CUL5: variants seen among roughly 807,000 people sequenced by gnomAD.
CUL5 encodes cullin-5.
Under a neutral mutation model 108.8 loss-of-function variants are expected in CUL5, and 26 were observed. The observed-to-expected ratio is 0.24, with a 90% CI of 0.18 to 0.33. The LOEUF (loss-of-function observed/expected upper bound fraction) is 0.33. Ranked by LOEUF, CUL5 falls within the 10% of genes least tolerant of loss-of-function variation. The pLI is 1.00. For synonymous variants in CUL5, 334 were observed against 298.0 expected (o/e 1.12, Z -1.25); for missense variants, 524 against 909.2 (o/e 0.58, Z 5.45).
At chr11:108,047,271 C>A (rs1248519129) in intron 3 of CUL5, among the ~76,000 whole-genome samples, 4 of 152,082 alleles carry the variant, frequency 2.6e-5, no homozygotes, top group Admixed American at 6.6e-5. Context: ...GAGCCGTGAT[C>A]ATGCCATTGC....
At chr11:108,087,159 A>C (rs939026229) in intron 11 of CUL5, among the ~76,000 whole-genome samples, 5 of 152,186 alleles carry the variant, frequency 3.3e-5, no homozygotes, top group African/African-American at 1.2e-4. Context: ...ATTTATGTGA[A>C]TAAGACTTCT....
intron 7 of CUL5, among the ~76,000 whole-genome samples, chr11:108,069,819 A>C (rs72998495): frequency 3.9e-5 from 6 of 152,204 alleles, no homozygotes; most frequent in Non-Finnish European, 8.8e-5. Context: ...GAGTTAATCA[A>C]AGTTTGGTTT....
At chr11:108,019,613 C>T (rs73555372) in intron 1 of CUL5, among the ~76,000 whole-genome samples, 20,094 of 152,076 alleles carry the variant, frequency 0.13, 1,431 homozygotes, top group African/African-American at 0.18. Flanking sequence ...ACACATCACT[C>T]GTGTCTGTGG....
chr11:108,035,889 T>G (rs1311178898), intron 2 of CUL5, among the ~76,000 whole-genome samples: 1 of 152,174 alleles, frequency 6.6e-6, no homozygotes, highest in Non-Finnish European at 1.5e-5. Context: ...TCCAGGTAAT[T>G]GAGATCTGTG....
intron 1 of CUL5, among the ~76,000 whole-genome samples, chr11:108,020,543 TTTTTTG>T (rs1294179587): frequency 6.6e-6 from 1 of 151,212 alleles, no homozygotes; most frequent in Non-Finnish European, 1.5e-5. Context: ...TGATTTTTTT[TTTTTTG>T]TTTTTTGTTT....
intron 2 of CUL5, among the ~76,000 whole-genome samples, chr11:108,034,620 C>T (rs1183381853): frequency 1.3e-5 from 2 of 152,108 alleles, no homozygotes; most frequent in Admixed American, 6.6e-5. Context: ...AAAGGGAACC[C>T]TGAGAGATTT....
Position 108,013,920 on chromosome 11 carries a change from A to G in CUL5, c.24+4548A>G, listed in dbSNP as rs762632202. On this transcript the variant is annotated intron_variant, in intron 1 of 18. Coordinates refer to ENST00000393094, the MANE Select transcript of CUL5 (RefSeq NM_003478.6). ...ACAACAACAATAAAAAGTGCCTGTA[A>G]AAGTTATTCATTATTAAAATAACTT... Among the ~76,000 whole-genome samples the G allele has an allele frequency of 3.3e-4, 50 of 152,186 alleles. 1 individual carries two copies. Among genetic ancestry groups the G allele is most frequent in the Admixed American group, 1.2e-3 (18 of 15,276 alleles).
At chr11:108,082,451 A>G (rs554254912) in intron 11 of CUL5, among the ~76,000 whole-genome samples, 1 of 151,658 alleles carries the variant, frequency 6.6e-6, no homozygotes, top group African/African-American at 2.4e-5. Context: ...TGGCTATATT[A>G]TTTTTTGTAG....
At chr11:108,097,606 T>C in intron 16 of CUL5, 30 bp from the exon 17 acceptor site, 3 of 1,233,544 alleles carry the variant, frequency 2.4e-6, no homozygotes, top group Non-Finnish European at 3.6e-6. Context: ...TGTTTATAGA[T>C]GCTAATTGTT....
chr11:108,065,884 C>T (rs1233124617), intron 7 of CUL5, among the ~76,000 whole-genome samples: 2 of 152,168 alleles, frequency 1.3e-5, no homozygotes, highest in Non-Finnish European at 2.9e-5. Context: ...TCTTGCTCCA[C>T]TCCTCTATTT....
Position 108,073,463 on chromosome 11 carries a change from A to G in CUL5, c.1079A>G (p.Gln360Arg), listed in dbSNP as rs765831171. The stretch of plus-strand genomic sequence containing the variant: ...AGTAAACTCGTCAAAGAAGCTTTTC[A>G]AGATGATCCACGATTTCTTACTGCA... ...RFSKLVKEAF[Q>R]DDPRFLTARD... Residue 360 changes from glutamine to arginine, a missense_variant, in exon 10 of 19, where the codon CAA becomes CGA. Gln to Arg is a conservative substitution (Grantham distance 43). Coordinates refer to ENST00000393094, the MANE Select transcript of CUL5 (RefSeq NM_003478.6). 2.5e-6 allele frequency: 4 copies of G among 1,589,920 alleles called. No individual in the cohort carries two copies. The African/African-American group carries it at 4.0e-5, about 16-fold the overall frequency.
intron 1 of CUL5, among the ~76,000 whole-genome samples, chr11:108,027,650 C>T (rs2135071110): frequency 6.6e-6 from 1 of 152,172 alleles, no homozygotes; most frequent in East Asian, 1.9e-4. Context: ...CTCAAGTGAC[C>T]CGCCCGCCTC....
chr11:108,020,043 C>T (rs1436425230), intron 1 of CUL5, among the ~76,000 whole-genome samples: 1 of 152,128 alleles, frequency 6.6e-6, no homozygotes, highest in Non-Finnish European at 1.5e-5. Flanking sequence ...GCCCCCACCC[C>T]CACTGGCATT....
chr11:108,018,069 C>T (rs912629491), intron 1 of CUL5, among the ~76,000 whole-genome samples: 1 of 152,120 alleles, frequency 6.6e-6, no homozygotes, highest in Non-Finnish European at 1.5e-5. Flanking sequence ...CAGAGTGTCT[C>T]TTGTACCATC....
chr11:108,105,785 T>C lies in CUL5; in HGVS notation c.*1401T>C, dbSNP rs999826496. 3.3e-5 allele frequency: 5 copies of C among 152,160 alleles called. No homozygotes were observed. Among genetic ancestry groups the C allele is most frequent in the African/African-American group, 9.6e-5 (4 of 41,458 alleles). 9.4% of individuals were successfully genotyped at this position (152,160 alleles called of 1,614,324 possible). ...ATTTTCTTGCAAATTATTTTATATC[T>C]TATTTGATGTTAAGTAATATTTTTA... is the stretch of plus-strand genomic sequence containing the variant. On this transcript the variant is annotated 3_prime_UTR_variant, in exon 19 of 19. Coordinates refer to ENST00000393094, the MANE Select transcript of CUL5 (RefSeq NM_003478.6).
chr11:108,075,627 CT>C, intron 10 of CUL5, among the ~76,000 whole-genome samples: 1 of 152,192 alleles, frequency 6.6e-6, no homozygotes, highest in Non-Finnish European at 1.5e-5. Flanking sequence ...CCTTGAACTC[CT>C]GGGCTCAAGC....
chr11:108,018,325 G>T (rs1025764741), intron 1 of CUL5, among the ~76,000 whole-genome samples: 1 of 152,136 alleles, frequency 6.6e-6, no homozygotes, highest in African/African-American at 2.4e-5. Flanking sequence ...TCAGCCCTCA[G>T]TATTCATGAG....
chr11:108,106,662 A>ATT lies in CUL5; in HGVS notation c.*2280_*2281dup, dbSNP rs979567411. Reference sequence around the variant, plus strand: ...TTTTCTTTAAGTAATTTAACAACAGATTTGCTAATTTAAAAAAAAATGAAA... The same window carrying ATT: ...TTTTCTTTAAGTAATTTAACAACAGATTTTTGCTAATTTAAAAAAAAATGAAA... On this transcript the variant is annotated 3_prime_UTR_variant, in exon 19 of 19. Coordinates refer to ENST00000393094, the MANE Select transcript of CUL5 (RefSeq NM_003478.6). 1 of 150,332 alleles carries ATT rather than the reference A, an allele frequency of 6.7e-6. No individual in the cohort carries two copies. The highest frequency in any genetic ancestry group is 2.5e-5 in the African/African-American group (1 of 40,742). The allele number at this position is 150,332 out of a possible 1,614,324, so 9.3% of individuals were successfully genotyped here. A position where few individuals can be genotyped will look rare whatever the true frequency, so the allele number is the denominator to read the frequency against.
At chr11:108,036,767 C>T (rs1048715565) in intron 2 of CUL5, among the ~76,000 whole-genome samples, 2 of 152,210 alleles carry the variant, frequency 1.3e-5, no homozygotes, top group Non-Finnish European at 2.9e-5. Flanking sequence ...GCGTGAGCCA[C>T]GGTGCCCAGC....
Sources: allele counts gnomAD v4.1 joint callset (sites outside exome capture counted in the v4.1 genomes callset), GRCh38; gene constraint gnomAD v4.1.1; transcripts MANE v1.5; gene names NCBI Gene and HGNC (gene_info 2026-07-23, HGNC 2026-07-21).